Variants in COL19A1 observed in about 807,000 individuals in gnomAD.
COL19A1 encodes the protein collagen alpha-1(XIX) chain.
In COL19A1, 159 loss-of-function variants were observed where a neutral mutation model predicts 190.2. The observed-to-expected ratio is 0.84, with a 90% CI of 0.73 to 0.95. The LOEUF (loss-of-function observed/expected upper bound fraction) is 0.95. Among genes scored for constraint, COL19A1 ranks in the 40% least tolerant of loss-of-function variants. The pLI, the probability that COL19A1 is intolerant of heterozygous loss-of-function variation, is 0.00. For synonymous variants in COL19A1, 509 were observed against 458.9 expected, an observed-to-expected ratio of 1.11 and a Z score of -1.39; for missense variants, 1,418 against 1,431.9, an observed-to-expected ratio of 0.99 and a Z score of 0.16.
chr6:70,130,882 C>T lies in COL19A1; in HGVS notation c.1383+659C>T, dbSNP rs369462327. ...CCCCTTTGGCAAAATGCCTCAAGCC[C>T]AGGCTCACTATTTTGTGTCTTCCTA... On this transcript the variant is annotated intron_variant, in intron 18 of 50. Transcript: ENST00000620364. Among the ~76,000 whole-genome samples the T allele has an allele frequency of 7.2e-5, 11 of 152,368 alleles. 1 individual carries two copies. The East Asian group carries it at 1.7e-3, about 24-fold the overall frequency.
At chr6:69,986,242 TATATATATATAC>T (rs879609672) in intron 11 of COL19A1, among the ~76,000 whole-genome samples, 3,329 of 145,132 alleles carry the variant, frequency 0.023, 87 homozygotes, top group African/African-American at 0.064. Flanking sequence ...TATATATATA[TATATATATATAC>T]ACACACACAT....
chr6:69,999,403 G>A (rs1777113570), intron 11 of COL19A1, among the ~76,000 whole-genome samples: 1 of 152,022 alleles, frequency 6.6e-6, no homozygotes, highest in Admixed American at 6.5e-5. Flanking sequence ...ATGTCATGGT[G>A]CATGCCTGTG....
intron 15 of COL19A1, among the ~76,000 whole-genome samples, chr6:70,087,748 C>A (rs980544605): frequency 1.3e-5 from 2 of 152,170 alleles, no homozygotes; most frequent in African/African-American, 2.4e-5. Flanking sequence ...ACTGCCAGTT[C>A]TTACCAGTGC....
At chr6:69,939,302 T>C (rs1255396745) in intron 9 of COL19A1, among the ~76,000 whole-genome samples, 1 of 152,148 alleles carries the variant, frequency 6.6e-6, no homozygotes, top group Admixed American at 6.6e-5. Context: ...CAAATCATTA[T>C]ACCAATAGCA....
intron 23 of COL19A1, 79 bp from the exon 24 acceptor site, chr6:70,144,131 C>G (rs1786451638): frequency 7.9e-7 from 1 of 1,258,020 alleles, no homozygotes. Context: ...GTTCTCTTGA[C>G]AGAGATTCAC....
At chr6:69,931,235 T>C (rs1265953544) in intron 6 of COL19A1, among the ~76,000 whole-genome samples, 1 of 151,938 alleles carries the variant, frequency 6.6e-6, no homozygotes, top group African/African-American at 2.4e-5. Flanking sequence ...AAAACTGATA[T>C]GAAGATTTTT....
intron 18 of COL19A1, among the ~76,000 whole-genome samples, chr6:70,131,532 G>T (rs1785520338): frequency 6.6e-6 from 1 of 152,160 alleles, no homozygotes. Flanking sequence ...GCAATGATAA[G>T]TCATTTGTGT....
chr6:69,892,634 C>T (rs748231695), intron 2 of COL19A1, among the ~76,000 whole-genome samples: 2 of 152,158 alleles, frequency 1.3e-5, no homozygotes, highest in Admixed American at 6.5e-5. Context: ...TGGGTTTATC[C>T]TCAAATACCT....
At chr6:70,167,716 A>G (rs772861896) in intron 37 of COL19A1, among the ~76,000 whole-genome samples, 6 of 152,216 alleles carry the variant, frequency 3.9e-5, no homozygotes, top group Non-Finnish European at 2.9e-5. Flanking sequence ...AATTTTAATG[A>G]GCAAATATTT....
rs1366704873 is a variant in COL19A1, at chr6:69,969,395, G to T, written c.1026+6525G>T. 2.0e-5 allele frequency among the ~76,000 whole-genome samples: 3 copies of T among 152,016 alleles called. No individual in the cohort carries two copies. The East Asian group carries it at 5.8e-4, about 29-fold the overall frequency. ...TATATGGTTTAGAAATTTACACTAGGCTTAGCTCAGTGATTTTTTTTTGTC... is the reference window on the plus strand; with the variant it reads ...TATATGGTTTAGAAATTTACACTAGTCTTAGCTCAGTGATTTTTTTTTGTC... On this transcript the variant is annotated intron_variant, in intron 11 of 50. Transcript: ENST00000620364.
intron 14 of COL19A1, among the ~76,000 whole-genome samples, chr6:70,040,696 G>GA (rs926253190): frequency 6.6e-5 from 10 of 151,336 alleles, no homozygotes; most frequent in African/African-American, 1.9e-4. Context: ...AAAAGAAAAG[G>GA]AAAAAAAATA....
At chr6:69,913,587 C>A (rs1424262812) in intron 4 of COL19A1, among the ~76,000 whole-genome samples, 2 of 152,086 alleles carry the variant, frequency 1.3e-5, no homozygotes, top group African/African-American at 4.8e-5. Flanking sequence ...GAGGGAGCAT[C>A]ATGGTAGTTT....
At chr6:70,117,768 CAAAT>C (rs1221909273) in intron 16 of COL19A1, among the ~76,000 whole-genome samples, 1 of 152,208 alleles carries the variant, frequency 6.6e-6, no homozygotes, top group Non-Finnish European at 1.5e-5. Context: ...CAATCCCATA[CAAAT>C]AGAGTGAAGC....
intron 18 of COL19A1, 53 bp from the exon 19 acceptor site, chr6:70,137,632 A>C: frequency 6.5e-7 from 1 of 1,533,954 alleles, no homozygotes; most frequent in Non-Finnish European, 9.0e-7. Context: ...TGACAGTCAC[A>C]ATAATGCTTC....
chr6:70,037,201 G>T (rs935699479), intron 14 of COL19A1, among the ~76,000 whole-genome samples: 5 of 151,978 alleles, frequency 3.3e-5, no homozygotes, highest in African/African-American at 1.2e-4. Flanking sequence ...TGTCACCCAG[G>T]CTGGAGTACA....
chr6:70,086,452 A>T (rs750526049), intron 15 of COL19A1, among the ~76,000 whole-genome samples: 2 of 152,210 alleles, frequency 1.3e-5, no homozygotes, highest in African/African-American at 2.4e-5. Context: ...CAGATGGTCA[A>T]AAAGTATTTC....
chr6:70,105,972 TTGTC>T (rs1249657003), intron 16 of COL19A1, among the ~76,000 whole-genome samples: 1 of 152,182 alleles, frequency 6.6e-6, no homozygotes, highest in African/African-American at 2.4e-5. Context: ...GTCAGCATGA[TTGTC>T]TGCAAAGAAC....
At chr6:70,163,430 T>C in intron 36 of COL19A1, 34 bp downstream of exon 36, 1 of 1,600,034 alleles carries the variant, frequency 6.2e-7, no homozygotes, top group Non-Finnish European at 8.5e-7. Context: ...CCATCCAAAC[T>C]GGGGCTTGGA....
chr6:69,897,446 G>A (rs114101012), intron 2 of COL19A1, among the ~76,000 whole-genome samples: 33 of 142,812 alleles, frequency 2.3e-4, no homozygotes, highest in African/African-American at 8.6e-4. Flanking sequence ...TTGAGAATCA[G>A]CTTGTCAGTT....
Sources: gnomAD v4.1 joint callset for allele counts (sites outside exome capture counted in the v4.1 genomes callset) on GRCh38, gnomAD v4.1.1 for gene constraint, MANE v1.5 for transcripts, NCBI Gene and HGNC (gene_info 2026-07-23, HGNC 2026-07-21) for gene names.